PTP4A1: variants seen among roughly 807,000 people sequenced by gnomAD.
PTP4A1 encodes protein tyrosine phosphatase type IVA 1.
PTP4A1 carries 9 observed loss-of-function variants against 20.5 expected under a neutral mutation model. The ratio of observed to expected loss-of-function variants is 0.44; its 90% CI spans 0.26 to 0.77. The LOEUF (loss-of-function observed/expected upper bound fraction) is 0.77, where lower values mean the gene tolerates loss of function less well. PTP4A1 is among the 30% of genes least tolerant of loss of function. The pLI is 0.19. For missense variants in PTP4A1, 137 were observed against 218.8 expected (o/e 0.63, Z 2.36); for synonymous variants, 78 against 67.4 (o/e 1.16, Z -0.77).
intron 2 of PTP4A1, among the ~76,000 whole-genome samples, chr6:63,545,198 C>T (rs767251402): frequency 2.6e-5 from 4 of 152,148 alleles, no homozygotes; most frequent in Admixed American, 1.3e-4. Context: ...ATACTCAAAT[C>T]GTCCCAGATT....
intron 2 of PTP4A1, chr6:63,548,758 C>A (rs1776307863): frequency 2.9e-6 from 2 of 697,426 alleles, no homozygotes; most frequent in Admixed American, 4.1e-5. Context: ...TCGAGCTTGC[C>A]AATGCAAGCC....
At chr6:63,571,758 T>A (rs1777438407), upstream of PTP4A1, 1 of 152,066 alleles carries the variant, frequency 6.6e-6, no homozygotes, top group Non-Finnish European at 1.5e-5. Context: ...AGAGGTGTGA[T>A]CAAAAAAAGA....
chr6:63,525,284 G>A (rs1775110712), intron 1 of PTP4A1, among the ~76,000 whole-genome samples: 1 of 152,202 alleles, frequency 6.6e-6, no homozygotes, highest in Non-Finnish European at 1.5e-5. Context: ...TTGGCCTTGT[G>A]ATGCTGAAGC....
chr6:63,529,135 G>GTA (rs200448362), intron 2 of PTP4A1, among the ~76,000 whole-genome samples: 11,656 of 133,740 alleles, frequency 0.087, 803 homozygotes, highest in East Asian at 0.16. Context: ...ATATATGTGT[G>GTA]TGTATATATA....
intron 3 of PTP4A1, among the ~76,000 whole-genome samples, chr6:63,560,730 TC>T (rs1415710893): frequency 6.6e-6 from 1 of 152,128 alleles, no homozygotes; most frequent in African/African-American, 2.4e-5. Flanking sequence ...GAAATTAAGT[TC>T]AATAGAAATA....
chr6:63,549,425 TC>T (rs1384308301), intron 2 of PTP4A1: 4 of 751,526 alleles, frequency 5.3e-6, no homozygotes, highest in Non-Finnish European at 9.7e-6. Flanking sequence ...AACAGGGGAT[TC>T]ACCACTTTCT....
chr6:63,517,666 A>C (rs1436524523), upstream of PTP4A1, among the ~76,000 whole-genome samples: 1 of 152,112 alleles, frequency 6.6e-6, no homozygotes, highest in Non-Finnish European at 1.5e-5. Flanking sequence ...ACACACACAT[A>C]TATATGACTT....
chr6:63,576,052 C>G (rs936760636), intron 1 of PTP4A1, among the ~76,000 whole-genome samples: 4 of 150,658 alleles, frequency 2.7e-5, no homozygotes, highest in South Asian at 4.2e-4. Flanking sequence ...AAGAAAACAA[C>G]TATCGAAAGG....
intron 2 of PTP4A1, among the ~76,000 whole-genome samples, chr6:63,532,636 G>A (rs1775520777): frequency 6.6e-6 from 1 of 152,134 alleles, no homozygotes; most frequent in Admixed American, 6.5e-5. Context: ...CCACTGTACA[G>A]CTTTCAACCG....
chr6:63,574,045 T>G (rs1455862450), intron 1 of PTP4A1, among the ~76,000 whole-genome samples: 1 of 152,162 alleles, frequency 6.6e-6, no homozygotes, highest in Non-Finnish European at 1.5e-5. Flanking sequence ...TATTAAGTTA[T>G]TTACACTACG....
At chr6:63,578,581 A>T in intron 3 of PTP4A1, 52 bp downstream of exon 3, 1 of 1,566,582 alleles carries the variant, frequency 6.4e-7, no homozygotes, top group Non-Finnish European at 8.6e-7. Flanking sequence ...ACAAAAGTTT[A>T]TTCAAATAGT....
At chr6:63,549,338 G>A (rs1776336853) in intron 2 of PTP4A1, 2 of 753,812 alleles carry the variant, frequency 2.7e-6, no homozygotes, top group Non-Finnish European at 4.8e-6. Context: ...TATAGTGGGG[G>A]CCATTTCACA....
At chr6:63,520,574 T>A (rs1562109631), upstream of PTP4A1, among the ~76,000 whole-genome samples, 1 of 151,840 alleles carries the variant, frequency 6.6e-6, no homozygotes, top group African/African-American at 2.4e-5. Flanking sequence ...GAGGTTGCAG[T>A]GAGCCAAGAT....
chr6:63,570,559 A>C (rs905132708), upstream of PTP4A1, among the ~76,000 whole-genome samples: 1 of 152,250 alleles, frequency 6.6e-6, no homozygotes, highest in Non-Finnish European at 1.5e-5. Context: ...GTGGATCACA[A>C]GGCTCACAAC....
upstream of PTP4A1, among the ~76,000 whole-genome samples, chr6:63,517,008 G>A (rs1377453864): frequency 6.6e-6 from 1 of 152,128 alleles, no homozygotes; most frequent in Non-Finnish European, 1.5e-5. Context: ...CGAAGCCATT[G>A]TTTTGGGATA....
intron 2 of PTP4A1, among the ~76,000 whole-genome samples, chr6:63,533,801 A>G (rs2149479162): frequency 6.6e-6 from 1 of 151,806 alleles, no homozygotes; most frequent in East Asian, 1.9e-4. Context: ...AGTTACACAA[A>G]CAAAATATAG....
At chr6:63,517,236 G>A (rs1368696132), upstream of PTP4A1, among the ~76,000 whole-genome samples, 1 of 151,974 alleles carries the variant, frequency 6.6e-6, no homozygotes, top group African/African-American at 2.4e-5. Context: ...CAGACCAGTG[G>A]CATTAAAGAA....
At chr6:63,559,531 G>C (rs1353495576) in intron 3 of PTP4A1, among the ~76,000 whole-genome samples, 1 of 152,112 alleles carries the variant, frequency 6.6e-6, no homozygotes, top group Admixed American at 6.5e-5. Flanking sequence ...CGGATCATGA[G>C]GTCAGGAGAT....
chr6:63,524,819 A>G (rs533114324), intron 1 of PTP4A1, among the ~76,000 whole-genome samples: 22 of 152,306 alleles, frequency 1.4e-4, no homozygotes, highest in Admixed American at 1.2e-3. Context: ...TCCTTTTTAT[A>G]TGTTTTAGAA....
Sources: allele counts gnomAD v4.1 joint callset (sites outside exome capture counted in the v4.1 genomes callset), GRCh38; gene constraint gnomAD v4.1.1; transcripts MANE v1.5; gene names NCBI Gene and HGNC (gene_info 2026-07-23, HGNC 2026-07-21).